Variants in NR2F1-AS1 observed in about 807,000 individuals in gnomAD.
The protein encoded by NR2F1-AS1 is NR2F1 antisense RNA 1.
chr5:93,487,209 C>G (rs1750743488), intron 4 of NR2F1-AS1, among the ~76,000 whole-genome samples: 1 of 152,124 alleles, frequency 6.6e-6, no homozygotes, highest in Admixed American at 6.5e-5. Flanking sequence ...CCCTCTCTCA[C>G]CACTCCTATT....
At chr5:93,452,322 A>G (rs1749854731) in intron 4 of NR2F1-AS1, among the ~76,000 whole-genome samples, 1 of 152,208 alleles carries the variant, frequency 6.6e-6, no homozygotes, top group Non-Finnish European at 1.5e-5. Context: ...ATATGAAACA[A>G]TAGTTTTCAG....
At chr5:93,409,835 A>T (rs1332853900) in intron 4 of NR2F1-AS1, 1 of 152,210 alleles carries the variant, frequency 6.6e-6, no homozygotes, top group Non-Finnish European at 1.5e-5. Context: ...ACAGAGCAAC[A>T]TTGTTTATTT....
intron 4 of NR2F1-AS1, among the ~76,000 whole-genome samples, chr5:93,438,979 A>G (rs1446287360): frequency 1.3e-5 from 2 of 152,260 alleles, no homozygotes; most frequent in African/African-American, 2.4e-5. Flanking sequence ...TCATTCCACA[A>G]TGTAAACATA....
chr5:93,471,075 A>G (rs1438028593), intron 4 of NR2F1-AS1, among the ~76,000 whole-genome samples: 1 of 151,936 alleles, frequency 6.6e-6, no homozygotes, highest in African/African-American at 2.4e-5. Flanking sequence ...GCTAGATCAC[A>G]TAGTCATTAG....
intron 4 of NR2F1-AS1, chr5:93,543,355 T>C (rs1382376185): frequency 6.6e-6 from 1 of 152,102 alleles, no homozygotes; most frequent in Admixed American, 6.5e-5. Context: ...AAAAATTAAA[T>C]GGCATGATTG....
intron 4 of NR2F1-AS1, among the ~76,000 whole-genome samples, chr5:93,519,351 A>C (rs1311709972): frequency 1.3e-5 from 2 of 152,142 alleles, no homozygotes; most frequent in Middle Eastern, 3.4e-3. Context: ...CTTTATATGC[A>C]TATGTATTTA....
intron 1 of NR2F1-AS1, among the ~76,000 whole-genome samples, chr5:93,576,892 T>C (rs906819313): frequency 6.6e-6 from 1 of 152,258 alleles, no homozygotes; most frequent in Non-Finnish European, 1.5e-5. Flanking sequence ...CCATTTTCCC[T>C]GGAAAGAATA....
chr5:93,562,287 A>G (rs1362838592), intron 2 of NR2F1-AS1, among the ~76,000 whole-genome samples: 2 of 152,144 alleles, frequency 1.3e-5, no homozygotes, highest in African/African-American at 4.8e-5. Context: ...AAATAATACT[A>G]TAATTTAGGC....
chr5:93,439,754 C>CCCCT (rs1749521067), intron 4 of NR2F1-AS1, among the ~76,000 whole-genome samples: 1 of 152,164 alleles, frequency 6.6e-6, no homozygotes, highest in African/African-American at 2.4e-5. Context: ...TCTGATTAAG[C>CCCCT]CCCTCTTCAT....
intron 4 of NR2F1-AS1, among the ~76,000 whole-genome samples, chr5:93,414,909 A>T (rs1029776660): frequency 5.3e-5 from 8 of 152,198 alleles, no homozygotes; most frequent in African/African-American, 1.9e-4. Flanking sequence ...AAACTGTTGC[A>T]GTTAAAAAAA....
chr5:93,498,969 A>G (rs1053158663), intron 4 of NR2F1-AS1, among the ~76,000 whole-genome samples: 1 of 152,196 alleles, frequency 6.6e-6, no homozygotes, highest in Non-Finnish European at 1.5e-5. Flanking sequence ...GTTCCTCTAC[A>G]TAAATTTATT....
At chr5:93,440,193 GTCTCTC>G (rs374272400) in intron 4 of NR2F1-AS1, among the ~76,000 whole-genome samples, 19 of 144,026 alleles carry the variant, frequency 1.3e-4, no homozygotes, top group African/African-American at 1.8e-4. Context: ...CTCTCTCTCT[GTCTCTC>G]TCTCTCTCTC....
intron 4 of NR2F1-AS1, among the ~76,000 whole-genome samples, chr5:93,457,200 A>G (rs1440530002): frequency 6.6e-6 from 1 of 152,090 alleles, no homozygotes; most frequent in African/African-American, 2.4e-5. Context: ...TTCCCTTCCC[A>G]CGAGGCCATA....
intron 4 of NR2F1-AS1, among the ~76,000 whole-genome samples, chr5:93,470,161 AAT>A (rs1750336281): frequency 6.6e-6 from 1 of 152,004 alleles, no homozygotes; most frequent in Non-Finnish European, 1.5e-5. Context: ...ATGTTAATGA[AAT>A]ATAACATTGC....
At chr5:93,518,773 A>G (rs1423543051) in intron 4 of NR2F1-AS1, among the ~76,000 whole-genome samples, 1 of 152,110 alleles carries the variant, frequency 6.6e-6, no homozygotes, top group Admixed American at 6.6e-5. Context: ...CACATAATAT[A>G]GGGTGGTAGC....
upstream of NR2F1-AS1, chr5:93,583,404 TTC>T (rs374111788): frequency 2.7e-3 from 404 of 151,424 alleles, no homozygotes; most frequent in African/African-American, 9.4e-3. Context: ...TCTCTTCTCT[TTC>T]TCTTTTCTTA....
upstream of NR2F1-AS1, among the ~76,000 whole-genome samples, chr5:93,581,871 C>T: frequency 2.8e-5 from 2 of 71,452 alleles, no homozygotes. Flanking sequence ...TCTCTCTCCT[C>T]TCTCCTCTCT....
intron 4 of NR2F1-AS1, among the ~76,000 whole-genome samples, chr5:93,469,545 C>A (rs1434972212): frequency 2.0e-5 from 3 of 152,030 alleles, no homozygotes; most frequent in African/African-American, 7.2e-5. Flanking sequence ...ACAGTATTAA[C>A]AGAACCTCTG....
intron 4 of NR2F1-AS1, among the ~76,000 whole-genome samples, chr5:93,472,704 C>G (rs1426280553): frequency 6.6e-6 from 1 of 151,496 alleles, no homozygotes; most frequent in Admixed American, 6.6e-5. Flanking sequence ...ACATTTAGTA[C>G]CTAAGCAAAC....
Sources: allele counts gnomAD v4.1 joint callset (sites outside exome capture counted in the v4.1 genomes callset), GRCh38; gene constraint gnomAD v4.1.1; transcripts MANE v1.5; gene names NCBI Gene and HGNC (gene_info 2026-07-23, HGNC 2026-07-21).